Variants in WASF1 observed in about 807,000 individuals in gnomAD.
The protein encoded by WASF1 is WASP family member 1.
WASF1 carries 7 observed loss-of-function variants against 50.5 expected under a neutral mutation model. The observed-to-expected ratio is 0.14, with a 90% CI of 0.08 to 0.26. WASF1 has a LOEUF of 0.26. Ranked by LOEUF, WASF1 falls within the 10% of genes least tolerant of loss-of-function variation. The pLI, the probability that WASF1 is intolerant of heterozygous loss-of-function variation, is 1.00. For synonymous variants in WASF1, 205 were observed against 244.0 expected (o/e 0.84, Z 1.49); for missense variants, 470 against 694.7 (o/e 0.68, Z 3.64).
intron 3 of WASF1, among the ~76,000 whole-genome samples, chr6:110,147,697 AC>A (rs1775636272): frequency 6.6e-6 from 1 of 152,148 alleles, no homozygotes; most frequent in Non-Finnish European, 1.5e-5. Context: ...CACTACTGAA[AC>A]TTACTTGACA....
chr6:110,102,224 G>A lies in WASF1; in HGVS notation c.894-8C>T, dbSNP rs768126431. The A allele has an allele frequency of 8.7e-6, 12 of 1,379,674 alleles. No homozygotes were observed. The highest frequency in any genetic ancestry group is 9.4e-7 in the Non-Finnish European group (1 of 1,061,254). The allele number at this position is 1,379,674 out of a possible 1,614,324, so 85.5% of individuals were successfully genotyped here. A position where few individuals can be genotyped will look rare whatever the true frequency, so the allele number is the denominator to read the frequency against. ...ATCAAACCTGTAGCAGAACTGAAAT[G>A]ACAAAGAGATTCTAGCAAGTTATTA... On this transcript the variant is annotated splice_polypyrimidine_tract_variant and splice_region_variant and intron_variant, in intron 9 of 10. Transcript: ENST00000392589.
chr6:110,120,561 T>C (rs1322148526), intron 4 of WASF1, among the ~76,000 whole-genome samples: 1 of 152,114 alleles, frequency 6.6e-6, no homozygotes, highest in African/African-American at 2.4e-5. Context: ...GGAAGAACAT[T>C]CCATGTTCAT....
At chr6:110,140,989 G>T (rs1187151004) in intron 3 of WASF1, among the ~76,000 whole-genome samples, 2 of 152,092 alleles carry the variant, frequency 1.3e-5, no homozygotes, top group Non-Finnish European at 1.5e-5. Flanking sequence ...GATGGCACAA[G>T]ATTTCATCAT....
chr6:110,172,619 A>G (rs1247308916), intron 2 of WASF1, among the ~76,000 whole-genome samples: 2 of 152,200 alleles, frequency 1.3e-5, no homozygotes, highest in African/African-American at 2.4e-5. Flanking sequence ...GAATGAAATA[A>G]TCTCTTTTGC....
At position 110,102,085 on chromosome 6, in the gene WASF1, G is replaced by A. The variant is rs1773118013; in HGVS notation, c.1025C>T (p.Ala342Val). The A allele has an allele frequency of 6.6e-7, 1 of 1,508,350 alleles. No homozygotes were observed. Among genetic ancestry groups the A allele is most frequent in the Admixed American group, 2.3e-5 (1 of 42,742 alleles). The allele number at this position is 1,508,350 out of a possible 1,614,324, so 93.4% of individuals were successfully genotyped here. Residue 342 changes from alanine to valine, a missense_variant, in exon 10 of 11, where the codon GCT becomes GTT. Ala to Val is a moderately conservative substitution (Grantham distance 64). Around this residue, in one of 3 missense-constraint regions of WASF1, gnomAD observed 294 missense variants for 343.5 expected, o/e 0.86. Transcript: ENST00000392589. The part of the protein sequence containing the change: ...PSALSTSSLR[A>V]SMTSTPPPPV... ...AGGGGGAGGAGTTGAAGTCATTGAA[G>A]CTCTTAATGAGGAAGTTGACAAGGC...
intron 5 of WASF1, among the ~76,000 whole-genome samples, chr6:110,109,212 A>G (rs1384938203): frequency 6.6e-6 from 1 of 152,204 alleles, no homozygotes; most frequent in Non-Finnish European, 1.5e-5. Flanking sequence ...ACTTTTAAGT[A>G]TTAGGTGATC....
chr6:110,133,332 G>T (rs548549130), intron 3 of WASF1, among the ~76,000 whole-genome samples: 1 of 152,008 alleles, frequency 6.6e-6, no homozygotes, highest in African/African-American at 2.4e-5. Context: ...TTTGTAAAAT[G>T]ACTTCTTTGT....
chr6:110,177,647 T>C (rs1040878133), intron 2 of WASF1, among the ~76,000 whole-genome samples: 2 of 152,114 alleles, frequency 1.3e-5, no homozygotes, highest in African/African-American at 2.4e-5. Flanking sequence ...ATTTTGTAAA[T>C]TGCAAGGTCA....
chr6:110,107,287 T>A, intron 6 of WASF1, 93 bp from the exon 7 acceptor site: 1 of 804,040 alleles, frequency 1.2e-6, no homozygotes, highest in Middle Eastern at 3.4e-4. Flanking sequence ...CCTCTTACAT[T>A]AATAAAATAC....
intron 3 of WASF1, among the ~76,000 whole-genome samples, chr6:110,146,463 G>T (rs1018105530): frequency 6.6e-6 from 1 of 151,776 alleles, no homozygotes; most frequent in South Asian, 2.1e-4. Context: ...AATTGTGACA[G>T]ATATTATTAA....
intron 6 of WASF1, 53 bp downstream of exon 6, chr6:110,108,475 T>C: frequency 6.6e-7 from 1 of 1,515,846 alleles, no homozygotes; most frequent in Admixed American, 1.9e-5. Flanking sequence ...ATTTAGCATT[T>C]CAATCTGAAG....
Position 110,145,067 on chromosome 6 carries a change from G to T in WASF1, c.-29+15568C>A, listed in dbSNP as rs117909098. On this transcript the variant is annotated intron_variant, in intron 3 of 10. Transcript: ENST00000392589. ...CCTTGGGCAGTATGGCCATTTTCAC[G>T]AAACTGTTTCTTCCTACCCATGAGC... Among the ~76,000 whole-genome samples the T allele has an allele frequency of 3.1e-3, 474 of 152,240 alleles. 2 individuals are homozygous for T. Among genetic ancestry groups the T allele is most frequent in the Non-Finnish European group, 4.9e-3 (336 of 68,024 alleles).
intron 2 of WASF1, among the ~76,000 whole-genome samples, chr6:110,177,370 C>T (rs2114634419): frequency 6.6e-6 from 1 of 151,704 alleles, no homozygotes; most frequent in South Asian, 2.1e-4. Flanking sequence ...TATTTAAAAC[C>T]CTTGATAGAT....
intron 4 of WASF1, among the ~76,000 whole-genome samples, chr6:110,123,777 G>A (rs1774242835): frequency 1.3e-5 from 2 of 152,216 alleles, no homozygotes; most frequent in South Asian, 4.1e-4. Context: ...CATCCCAAAT[G>A]GAAGAAAAAG....
intron 4 of WASF1, among the ~76,000 whole-genome samples, chr6:110,125,032 A>G (rs995274926): frequency 1.1e-4 from 16 of 152,240 alleles, no homozygotes; most frequent in African/African-American, 3.9e-4. Context: ...TTCAGTACTA[A>G]TAATAGCACC....
intron 3 of WASF1, among the ~76,000 whole-genome samples, chr6:110,143,347 T>C (rs1050589269): frequency 1.3e-5 from 2 of 151,872 alleles, no homozygotes; most frequent in African/African-American, 4.8e-5. Context: ...AATTCTAAAT[T>C]GTTTATTTTG....
At chr6:110,129,473 T>C (rs1774564767) in intron 3 of WASF1, among the ~76,000 whole-genome samples, 1 of 151,970 alleles carries the variant, frequency 6.6e-6, no homozygotes, top group Non-Finnish European at 1.5e-5. Context: ...CAGACATAAA[T>C]GAGGAATGTG....
intron 3 of WASF1, among the ~76,000 whole-genome samples, chr6:110,147,893 T>C (rs556745736): frequency 6.6e-6 from 1 of 152,208 alleles, no homozygotes; most frequent in African/African-American, 2.4e-5. Context: ...GACTACAGGG[T>C]GTGCCAGCAC....
At chr6:110,173,006 T>C (rs6926540) in intron 2 of WASF1, among the ~76,000 whole-genome samples, 35,327 of 152,068 alleles carry the variant, frequency 0.23, 6,247 homozygotes, top group African/African-American at 0.5. Context: ...TTTAACCCTT[T>C]CACAATTCTC....
Sources: gnomAD v4.1 joint callset for allele counts (sites outside exome capture counted in the v4.1 genomes callset) on GRCh38, gnomAD v4.1.1 for gene constraint, gnomAD v4.1.1 regional missense constraint, MANE v1.5 for transcripts, NCBI Gene and HGNC (gene_info 2026-07-23, HGNC 2026-07-21) for gene names.